C13orf46: variants seen among roughly 807,000 people sequenced by gnomAD.
C13orf46 encodes chromosome 13 open reading frame 46.
chr13:113,969,387 C>G (rs1253965225), intron 2 of C13orf46, among the ~76,000 whole-genome samples: 1 of 152,240 alleles, frequency 6.6e-6, no homozygotes, highest in Non-Finnish European at 1.5e-5. Context: ...AGCTCAACTG[C>G]CCTCACCAAG....
chr13:113,949,332 A>C (rs1375750602), downstream of C13orf46, among the ~76,000 whole-genome samples: 1 of 152,206 alleles, frequency 6.6e-6, no homozygotes, highest in Non-Finnish European at 1.5e-5. Flanking sequence ...AAAGTTCCCC[A>C]AATCTGCAGT....
chr13:113,933,285 CTGT>C, the C13orf46 span, among the ~76,000 whole-genome samples: 1 of 152,226 alleles, frequency 6.6e-6, no homozygotes. Flanking sequence ...TATTCTCTCC[CTGT>C]TGAATTGCCT....
intron 5 of C13orf46, among the ~76,000 whole-genome samples, chr13:113,966,732 G>GTGA (rs1161752332): frequency 6.6e-6 from 1 of 151,820 alleles, no homozygotes; most frequent in Non-Finnish European, 1.5e-5. Flanking sequence ...GTTGCTGGTG[G>GTGA]TGATGATGAT....
downstream of C13orf46, among the ~76,000 whole-genome samples, chr13:113,950,519 G>A (rs1443328799): frequency 1.3e-5 from 2 of 152,262 alleles, no homozygotes; most frequent in African/African-American, 2.4e-5. Context: ...TGCCCCTCAA[G>A]GTGTTCAGGG....
intron 1 of C13orf46, among the ~76,000 whole-genome samples, chr13:113,972,951 G>A (rs1344464402): frequency 6.6e-6 from 1 of 152,214 alleles, no homozygotes; most frequent in Non-Finnish European, 1.5e-5. Flanking sequence ...CTTCCCAGCA[G>A]CCCTGGGTGG....
intron 5 of C13orf46, among the ~76,000 whole-genome samples, chr13:113,966,562 A>ATGATGG (rs1283897033): frequency 2.7e-5 from 4 of 150,722 alleles, no homozygotes; most frequent in Admixed American, 1.3e-4. Context: ...AATAGTGACG[A>ATGATGG]TGATGGTGAT....
intron 6 of C13orf46, among the ~76,000 whole-genome samples, chr13:113,964,675 G>T (rs1261125976): frequency 6.6e-6 from 1 of 152,262 alleles, no homozygotes; most frequent in East Asian, 1.9e-4. Context: ...AGGAGACACG[G>T]CCTGGTTATG....
intron 5 of C13orf46, among the ~76,000 whole-genome samples, chr13:113,965,872 GTGATGA>G (rs1418390038): frequency 3.4e-5 from 5 of 146,906 alleles, no homozygotes; most frequent in Non-Finnish European, 7.5e-5. Flanking sequence ...GATGGTGATG[GTGATGA>G]TGGTGGTAAT....
intron 1 of C13orf46, among the ~76,000 whole-genome samples, chr13:113,970,685 A>T (rs1260756235): frequency 2.0e-5 from 3 of 152,062 alleles, no homozygotes; most frequent in African/African-American, 7.2e-5. Flanking sequence ...TTGAAACCCC[A>T]CTTGGCTTGT....
the C13orf46 span, among the ~76,000 whole-genome samples, chr13:113,947,288 T>G: frequency 6.6e-6 from 1 of 152,064 alleles, no homozygotes; most frequent in Non-Finnish European, 1.5e-5. Flanking sequence ...TGGGGGAGGC[T>G]GGAGCAACTG....
At chr13:113,950,161 TTGGGGACCTCACTGCTCCCATCTGTAGAG>T (rs1441925237), downstream of C13orf46, among the ~76,000 whole-genome samples, 1 of 101,058 alleles carries the variant, frequency 9.9e-6, no homozygotes, top group African/African-American at 3.9e-5. Flanking sequence ...CACCCCCACC[TTGGGGACCTCACTGCTCCCATCTGTAGAG>T]TGGGGTCCTC....
downstream of C13orf46, among the ~76,000 whole-genome samples, chr13:113,951,848 G>A (rs1314709419): frequency 1.3e-5 from 2 of 152,252 alleles, no homozygotes; most frequent in African/African-American, 4.8e-5. Flanking sequence ...GCTGGGGACC[G>A]GCGGCACCTG....
chr13:113,955,357 A>G lies in C13orf46; in HGVS notation c.*1416T>C. 5.7e-6 allele frequency: 1 copy of G among 174,214 alleles called. No individual in the cohort carries two copies. The highest frequency in any genetic ancestry group is 1.2e-5 in the Non-Finnish European group (1 of 83,812). The allele number at this position is 174,214 out of a possible 1,614,324, so 10.8% of individuals were successfully genotyped here. ...GGAGGAGTAGTATCTGGTGGAGAGGAGGAGCATCCGGCGGAGAGGAGGAGC... is the reference window on the plus strand; with the variant it reads ...GGAGGAGTAGTATCTGGTGGAGAGGGGGAGCATCCGGCGGAGAGGAGGAGC... On this transcript the variant is annotated 3_prime_UTR_variant, in exon 7 of 7. Coordinates refer to ENST00000636427, the MANE Select transcript of C13orf46 (RefSeq NM_001365455.2).
In C13orf46 at chr13:113,962,446, A is replaced by G. The variant is rs1015358762; in HGVS notation, c.572+2481T>C. 9.5e-3 allele frequency among the ~76,000 whole-genome samples: 1,446 copies of G among 152,324 alleles called. 11 individuals carry two copies. Among genetic ancestry groups the G allele is most frequent in the African/African-American group, 0.033 (1,384 of 41,566 alleles). On this transcript the variant is annotated intron_variant, in intron 6 of 6. Coordinates refer to ENST00000636427, the MANE Select transcript of C13orf46 (RefSeq NM_001365455.2). ...GATGGAGCCTGCCAAAGCATTTTCCAATGAACACGCAAGTGTGCACGTGAG... is the reference window on the plus strand; with the variant it reads ...GATGGAGCCTGCCAAAGCATTTTCCGATGAACACGCAAGTGTGCACGTGAG...
chr13:113,947,817 C>T, the C13orf46 span, among the ~76,000 whole-genome samples: 25 of 152,362 alleles, frequency 1.6e-4, no homozygotes, highest in South Asian at 5.2e-3. Context: ...TCCCCCCAGA[C>T]ACTCACTCAG....
chr13:113,972,135 G>A (rs1220290151), intron 1 of C13orf46, among the ~76,000 whole-genome samples: 3 of 152,136 alleles, frequency 2.0e-5, no homozygotes, highest in East Asian at 1.9e-4. Flanking sequence ...CCCTCCATCC[G>A]ACCCCGGCCT....
the C13orf46 span, among the ~76,000 whole-genome samples, chr13:113,944,348 G>A: frequency 4.5e-3 from 686 of 152,330 alleles, 8 homozygotes; most frequent in African/African-American, 0.016. Flanking sequence ...GCTCTGCTGA[G>A]GCCATCCTGC....
the C13orf46 span, among the ~76,000 whole-genome samples, chr13:113,932,901 G>A: frequency 1.3e-3 from 194 of 151,798 alleles, no homozygotes; most frequent in Non-Finnish European, 2.1e-3. Context: ...GTCTCGCTCT[G>A]TCAGCCACAC....
intron 1 of C13orf46, among the ~76,000 whole-genome samples, chr13:113,971,046 C>T (rs545313449): frequency 1.4e-4 from 21 of 152,360 alleles, no homozygotes; most frequent in Admixed American, 4.6e-4. Flanking sequence ...GTGAGGAAGT[C>T]ATGTGGCAGA....
Sources: gnomAD v4.1 joint callset for allele counts (sites outside exome capture counted in the v4.1 genomes callset) on GRCh38, gnomAD v4.1.1 for gene constraint, MANE v1.5 for transcripts, NCBI Gene and HGNC (gene_info 2026-07-23, HGNC 2026-07-21) for gene names.